PCDHA13: variants seen among roughly 807,000 people sequenced by gnomAD.
PCDHA13 encodes the protein protocadherin alpha 13, also known as protocadherin alpha-13.
Under a neutral mutation model 64.8 loss-of-function variants are expected in PCDHA13, and 54 were observed. The ratio of observed to expected loss-of-function variants is 0.83; its 90% CI spans 0.67 to 1.04. PCDHA13 has a LOEUF of 1.04. Among genes scored for constraint, PCDHA13 ranks in the 50% least tolerant of loss-of-function variants. The pLI is 0.00. For synonymous variants in PCDHA13, 587 were observed against 564.4 expected (o/e 1.04, Z -0.57); for missense variants, 1,248 against 1,254.3 (o/e 0.99, Z 0.08).
chr5:140,909,690 G>T (rs2074638063), intron 1 of PCDHA13, among the ~76,000 whole-genome samples: 1 of 152,280 alleles, frequency 6.6e-6, no homozygotes, highest in African/African-American at 2.4e-5. Context: ...CAATGTGGGG[G>T]TTCTGCTAGC....
At chr5:140,989,140 C>A (rs2153881117) in intron 3 of PCDHA13, among the ~76,000 whole-genome samples, 1 of 152,290 alleles carries the variant, frequency 6.6e-6, no homozygotes, top group East Asian at 1.9e-4. Context: ...CACTTTATCC[C>A]TTCTTTTGTT....
chr5:140,999,368 A>G (rs549083218), intron 3 of PCDHA13, among the ~76,000 whole-genome samples: 1 of 152,280 alleles, frequency 6.6e-6, no homozygotes, highest in African/African-American at 2.4e-5. Context: ...TCACAATCCC[A>G]TTAGATGGTT....
At chr5:140,994,704 C>CA (rs1294993555) in intron 3 of PCDHA13, among the ~76,000 whole-genome samples, 3 of 150,616 alleles carry the variant, frequency 2.0e-5, no homozygotes, top group African/African-American at 4.9e-5. Flanking sequence ...GACCCTGTCT[C>CA]AAAAAAAAAT....
chr5:140,961,236 T>G (rs246004), intron 1 of PCDHA13, among the ~76,000 whole-genome samples: 1 of 151,942 alleles, frequency 6.6e-6, no homozygotes, highest in African/African-American at 2.4e-5. Context: ...AAAAAGGTGA[T>G]GGAATTTATC....
At chr5:140,987,124 G>T (rs2097230182) in intron 3 of PCDHA13, among the ~76,000 whole-genome samples, 1 of 151,678 alleles carries the variant, frequency 6.6e-6, no homozygotes, top group Non-Finnish European at 1.5e-5. Flanking sequence ...TGAGGCAGGA[G>T]AATTGCTTGA....
At chr5:140,910,690 G>T (rs2153515620) in intron 1 of PCDHA13, among the ~76,000 whole-genome samples, 1 of 152,224 alleles carries the variant, frequency 6.6e-6, no homozygotes, top group African/African-American at 2.4e-5. Context: ...GGCATTTCCA[G>T]CTTGCTCACA....
chr5:140,995,654 A>C (rs1183016354), intron 3 of PCDHA13, among the ~76,000 whole-genome samples: 2 of 152,184 alleles, frequency 1.3e-5, no homozygotes, highest in Non-Finnish European at 1.5e-5. Flanking sequence ...AGGAGAATCG[A>C]AAAGGGAAGT....
At position 140,883,032 on chromosome 5, in the gene PCDHA13, C is replaced by G. The variant is rs2153389895; in HGVS notation, c.764C>G (p.Ala255Gly). The G allele has an allele frequency of 6.2e-6, 10 of 1,614,064 alleles. No individual in the cohort carries two copies. The South Asian group carries it at 8.8e-5, about 14-fold the overall frequency. ...TATAAAGTGACGGTGTTAGAGAACG[C>G]CTTCAATGGAACATTAGTGATCAAG... ...SVYKVTVLEN[A>G]FNGTLVIKLN... Residue 255 changes from alanine (A) to glycine (G), a missense_variant, in exon 1 of 4, where the codon GCC (alanine) becomes GGC (glycine). Transcript: ENST00000289272.
chr5:140,957,581 C>T (rs1396438252), intron 1 of PCDHA13, among the ~76,000 whole-genome samples: 3 of 152,066 alleles, frequency 2.0e-5, no homozygotes, highest in South Asian at 2.1e-4. Flanking sequence ...GTACTTTTAA[C>T]AAAGCACTTC....
At chr5:140,985,103 A>C (rs1342526252) in intron 3 of PCDHA13, among the ~76,000 whole-genome samples, 1 of 151,694 alleles carries the variant, frequency 6.6e-6, no homozygotes, top group Admixed American at 6.6e-5. Context: ...AAGCCTGGCT[A>C]ATTTTTTGTG....
chr5:140,981,670 C>T (rs1389601276), intron 2 of PCDHA13, among the ~76,000 whole-genome samples: 8 of 152,070 alleles, frequency 5.3e-5, no homozygotes, highest in Non-Finnish European at 1.0e-4. Context: ...TCCTTCCTTT[C>T]TTCCTTCCTC....
chr5:140,987,165 G>A lies in PCDHA13; in HGVS notation c.2542+4602G>A, dbSNP rs191129148. Among the ~76,000 whole-genome samples, 1,195 of 151,202 alleles carry A rather than the reference G, an allele frequency of 7.9e-3. 19 individuals are homozygous for A. The highest frequency in any genetic ancestry group is 0.027 in the African/African-American group (1,126 of 41,156). On this transcript the variant is annotated intron_variant, in intron 3 of 3. Transcript: ENST00000289272. ...GGAGGTGGAGGTTGCAGTGAGCTGA[G>A]ATTGCACCACTGCACTCCAGCCTGG...
At position 140,950,241 on chromosome 5, in the gene PCDHA13, G is replaced by A. The variant is rs191139851; in HGVS notation, c.2395-28708G>A. 3.8e-4 allele frequency among the ~76,000 whole-genome samples: 58 copies of A among 152,014 alleles called. 1 individual carries two copies. The highest frequency in any genetic ancestry group is 6.8e-3 in the Middle Eastern group (2 of 294). On this transcript the variant is annotated intron_variant, in intron 1 of 3. Coordinates refer to ENST00000289272, the MANE Select transcript of PCDHA13 (RefSeq NM_018904.3). The stretch of plus-strand genomic sequence containing the variant: ...TTACCATTTCTAGTGCCATTAATTT[G>A]TTCCTAAAGAGCTGAGTTTATCCAT...
intron 3 of PCDHA13, among the ~76,000 whole-genome samples, chr5:140,992,189 G>T (rs1554252741): frequency 6.6e-6 from 1 of 152,098 alleles, no homozygotes; most frequent in Non-Finnish European, 1.5e-5. Context: ...TGCTTTCAGT[G>T]ATCTATCCAA....
chr5:140,927,634 A>G, intron 1 of PCDHA13: 1 of 1,614,184 alleles, frequency 6.2e-7, no homozygotes, highest in Non-Finnish European at 8.5e-7. Context: ...GACTGCACCC[A>G]ATGGGACTGT....
chr5:140,992,017 C>CTG (rs10602499), intron 3 of PCDHA13, among the ~76,000 whole-genome samples: 19,643 of 145,468 alleles, frequency 0.14, 1,328 homozygotes, highest in East Asian at 0.18. Flanking sequence ...AGAGGTGGCT[C>CTG]TGTGTGTGTG....
intron 1 of PCDHA13, among the ~76,000 whole-genome samples, chr5:140,920,419 T>C (rs1282192714): frequency 6.6e-6 from 1 of 152,232 alleles, no homozygotes. Flanking sequence ...GATACAGCTG[T>C]TCTCCCACAC....
intron 1 of PCDHA13, among the ~76,000 whole-genome samples, chr5:140,953,706 G>A (rs1464812227): frequency 1.3e-5 from 2 of 152,144 alleles, no homozygotes; most frequent in Non-Finnish European, 1.5e-5. Context: ...ACTAGACTGA[G>A]CTTCAGACAT....
intron 1 of PCDHA13, among the ~76,000 whole-genome samples, chr5:140,906,383 T>A (rs1386557574): frequency 6.6e-6 from 1 of 152,214 alleles, no homozygotes; most frequent in African/African-American, 2.4e-5. Context: ...TTACATAAAG[T>A]TAACATTTAA....
Sources: gnomAD v4.1 joint callset for allele counts (sites outside exome capture counted in the v4.1 genomes callset) on GRCh38, gnomAD v4.1.1 for gene constraint, MANE v1.5 for transcripts, NCBI Gene and HGNC (gene_info 2026-07-23, HGNC 2026-07-21) for gene names.